LRP1B: variants seen among roughly 807,000 people sequenced by gnomAD.
LRP1B encodes LDL receptor related protein 1B.
A neutral mutation model predicts 556.6 loss-of-function variants in LRP1B; 217 were observed. That is an observed-to-expected ratio of 0.39 (90% CI 0.35 to 0.44). The LOEUF (loss-of-function observed/expected upper bound fraction) is 0.44. Among genes scored for constraint, LRP1B ranks in the 20% least tolerant of loss-of-function variants. LRP1B has a pLI of 1.00. For missense variants in LRP1B, 5,053 were observed against 5,620.8 expected (o/e 0.90, Z 3.23); for synonymous variants, 2,047 against 1,865.8 (o/e 1.10, Z -2.50).
intron 35 of LRP1B, among the ~76,000 whole-genome samples, chr2:140,758,102 C>A (rs1277990224): frequency 1.3e-5 from 2 of 151,942 alleles, no homozygotes; most frequent in East Asian, 3.9e-4. Context: ...AAAGAAAATT[C>A]TATTTTGAGA....
chr2:141,912,731 G>A (rs574362331), intron 1 of LRP1B, among the ~76,000 whole-genome samples: 2 of 152,202 alleles, frequency 1.3e-5, no homozygotes, highest in African/African-American at 4.8e-5. Flanking sequence ...ATACTAGAAG[G>A]AAAGTTCATC....
At chr2:140,931,681 A>T (rs1295189742) in intron 20 of LRP1B, among the ~76,000 whole-genome samples, 1 of 152,152 alleles carries the variant, frequency 6.6e-6, no homozygotes. Context: ...CCCAAGTTAA[A>T]GTACTATCGA....
At chr2:141,986,769 T>G (rs1453200620) in intron 1 of LRP1B, among the ~76,000 whole-genome samples, 9 of 151,970 alleles carry the variant, frequency 5.9e-5, no homozygotes. Context: ...CATCTAGTTC[T>G]ACAAAATTCT....
chr2:141,833,230 TATA>T (rs1306551576), intron 1 of LRP1B, among the ~76,000 whole-genome samples: 1 of 151,814 alleles, frequency 6.6e-6, no homozygotes, highest in East Asian at 1.9e-4. Flanking sequence ...ACATAAAGTA[TATA>T]ATTTCTTCCT....
intron 3 of LRP1B, among the ~76,000 whole-genome samples, chr2:141,431,971 G>C (rs1033420918): frequency 1.3e-5 from 2 of 151,918 alleles, no homozygotes; most frequent in African/African-American, 4.8e-5. Flanking sequence ...TTACCTAACT[G>C]ACCTAGCTAG....
At chr2:141,558,767 A>T (rs1233927314) in intron 2 of LRP1B, among the ~76,000 whole-genome samples, 7 of 151,812 alleles carry the variant, frequency 4.6e-5, no homozygotes. Flanking sequence ...TCAAGACCTA[A>T]GTAGGTCAAC....
intron 23 of LRP1B, among the ~76,000 whole-genome samples, chr2:140,893,779 G>A (rs1693868372): frequency 6.6e-6 from 1 of 152,170 alleles, no homozygotes; most frequent in South Asian, 2.1e-4. Context: ...AGTCATAGAT[G>A]ATAGTGAACG....
chr2:141,124,885 T>C lies in LRP1B; in HGVS notation c.1014-62612A>G, dbSNP rs141864132. ...CTGGAAGAGATGGATTGTATGCATA[T>C]ATACAGAAAGATTACAGAGTCAGCC... On this transcript the variant is annotated intron_variant, in intron 7 of 90. Coordinates refer to ENST00000389484, the MANE Select transcript of LRP1B (RefSeq NM_018557.3). Among the ~76,000 whole-genome samples the C allele has an allele frequency of 2.0e-3, 302 of 152,250 alleles. 3 individuals are homozygous for C. Among genetic ancestry groups the C allele is most frequent in the African/African-American group, 7.0e-3 (293 of 41,562 alleles).
At chr2:141,873,859 T>C (rs1471308138) in intron 1 of LRP1B, among the ~76,000 whole-genome samples, 1 of 151,674 alleles carries the variant, frequency 6.6e-6, no homozygotes, top group Non-Finnish European at 1.5e-5. Flanking sequence ...ATGTAAAATA[T>C]ACCAATGAAA....
chr2:141,190,551 C>T (rs927912234), intron 6 of LRP1B, among the ~76,000 whole-genome samples: 3 of 151,986 alleles, frequency 2.0e-5, no homozygotes, highest in South Asian at 4.1e-4. Context: ...CATTTATATG[C>T]CTAACCTATG....
At chr2:141,442,031 A>G (rs1680996819) in intron 3 of LRP1B, among the ~76,000 whole-genome samples, 1 of 152,164 alleles carries the variant, frequency 6.6e-6, no homozygotes, top group Non-Finnish European at 1.5e-5. Flanking sequence ...GACTCTACCC[A>G]AATTTTGAAT....
intron 2 of LRP1B, among the ~76,000 whole-genome samples, chr2:141,780,011 T>C (rs887680089): frequency 6.6e-6 from 1 of 150,632 alleles, no homozygotes; most frequent in Non-Finnish European, 1.5e-5. Context: ...ACAATATTTC[T>C]AGAAATTAAA....
At chr2:140,272,235 C>G (rs1301813366) in intron 85 of LRP1B, among the ~76,000 whole-genome samples, 1 of 141,290 alleles carries the variant, frequency 7.1e-6, no homozygotes, top group Admixed American at 7.6e-5. Flanking sequence ...TTTTTAGAGG[C>G]ATTCAGCGTA....
chr2:140,329,548 C>T (rs1283178378), intron 79 of LRP1B, among the ~76,000 whole-genome samples: 1 of 151,998 alleles, frequency 6.6e-6, no homozygotes, highest in Non-Finnish European at 1.5e-5. Flanking sequence ...TCAGGAAAGT[C>T]TTAGGATACC....
chr2:141,749,984 C>T (rs1574318056), intron 2 of LRP1B, among the ~76,000 whole-genome samples: 1 of 152,064 alleles, frequency 6.6e-6, no homozygotes, highest in East Asian at 1.9e-4. Flanking sequence ...GAACTAGTAA[C>T]CGGAAGGAAG....
intron 1 of LRP1B, among the ~76,000 whole-genome samples, chr2:142,093,194 A>G (rs949956326): frequency 6.6e-6 from 1 of 152,148 alleles, no homozygotes; most frequent in East Asian, 1.9e-4. Flanking sequence ...AACATTGTGT[A>G]GAATTATATT....
chr2:141,202,935 G>A (rs1682102996), intron 6 of LRP1B, among the ~76,000 whole-genome samples: 1 of 151,820 alleles, frequency 6.6e-6, no homozygotes, highest in Admixed American at 6.6e-5. Flanking sequence ...ATGACCATGT[G>A]TTGTCAGTGT....
intron 7 of LRP1B, among the ~76,000 whole-genome samples, chr2:141,125,247 A>G (rs1417765258): frequency 6.6e-6 from 1 of 152,196 alleles, no homozygotes; most frequent in Non-Finnish European, 1.5e-5. Context: ...CAAACTTGCT[A>G]TGTTGACCCC....
At chr2:141,582,668 C>G (rs973298800) in intron 2 of LRP1B, among the ~76,000 whole-genome samples, 13 of 151,178 alleles carry the variant, frequency 8.6e-5, no homozygotes, top group African/African-American at 2.9e-4. Flanking sequence ...TAAAATATAC[C>G]ATATGTGTTA....
Sources: allele counts gnomAD v4.1 joint callset (sites outside exome capture counted in the v4.1 genomes callset), GRCh38; gene constraint gnomAD v4.1.1; transcripts MANE v1.5; gene names NCBI Gene and HGNC (gene_info 2026-07-23, HGNC 2026-07-21).